PRR16: variants seen among roughly 807,000 people sequenced by gnomAD.
PRR16 encodes proline rich 16.
Under a neutral mutation model 18.2 loss-of-function variants are expected in PRR16, and 6 were observed. The observed-to-expected ratio is 0.33, with a 90% CI of 0.18 to 0.65. The LOEUF is 0.65. PRR16 is among the 30% of genes least tolerant of loss of function. PRR16 has a pLI of 0.74. For missense variants in PRR16, 412 were observed against 376.6 expected, an observed-to-expected ratio of 1.09 and a Z score of -0.78; for synonymous variants, 151 against 147.8, an observed-to-expected ratio of 1.02 and a Z score of -0.16.
At chr5:120,519,253 A>G (rs1164181029) in intron 1 of PRR16, among the ~76,000 whole-genome samples, 1 of 152,116 alleles carries the variant, frequency 6.6e-6, no homozygotes, top group Non-Finnish European at 1.5e-5. Context: ...TTATTTAGTA[A>G]TGAATAATAA....
intron 1 of PRR16, among the ~76,000 whole-genome samples, chr5:120,609,539 T>G (rs1271213910): frequency 2.0e-5 from 3 of 152,222 alleles, no homozygotes; most frequent in Non-Finnish European, 4.4e-5. Context: ...GCCATTTAGC[T>G]AAGATTTTCG....
At chr5:120,468,699 T>C (rs751354047) in intron 1 of PRR16, among the ~76,000 whole-genome samples, 1 of 152,230 alleles carries the variant, frequency 6.6e-6, no homozygotes, top group Non-Finnish European at 1.5e-5. Context: ...GGTATTAATA[T>C]GGGATCACAT....
chr5:120,600,408 C>T (rs150271419), intron 1 of PRR16, among the ~76,000 whole-genome samples: 10 of 151,900 alleles, frequency 6.6e-5, no homozygotes, highest in South Asian at 2.1e-4. Context: ...GCTCCAACAA[C>T]GCATAATGAT....
chr5:120,653,351 G>GT (rs1561595931), intron 1 of PRR16, among the ~76,000 whole-genome samples: 1 of 151,668 alleles, frequency 6.6e-6, no homozygotes, highest in East Asian at 1.9e-4. Context: ...CATTATAAAG[G>GT]GTTATTAAGC....
chr5:120,783,567 A>T, the PRR16 span, among the ~76,000 whole-genome samples: 106 of 152,254 alleles, frequency 7.0e-4, no homozygotes, highest in African/African-American at 2.3e-3. Context: ...TTTTAAAAAA[A>T]TTTAAATTGT....
the PRR16 span, among the ~76,000 whole-genome samples, chr5:120,715,880 A>C: frequency 6.6e-6 from 1 of 152,148 alleles, no homozygotes; most frequent in African/African-American, 2.4e-5. Flanking sequence ...CCTTCTCTCT[A>C]TAGAGTAGCC....
At chr5:120,513,769 T>C (rs1750902502) in intron 1 of PRR16, among the ~76,000 whole-genome samples, 1 of 151,920 alleles carries the variant, frequency 6.6e-6, no homozygotes, top group Admixed American at 6.6e-5. Flanking sequence ...TTTCTTTTTT[T>C]TTTTTTTGAG....
the PRR16 span, among the ~76,000 whole-genome samples, chr5:120,702,337 G>T: frequency 1.3e-4 from 19 of 151,894 alleles, no homozygotes; most frequent in Non-Finnish European, 2.8e-4. Context: ...AAGGGATTGG[G>T]GCGCAGAGAT....
the PRR16 span, among the ~76,000 whole-genome samples, chr5:120,724,356 A>G: frequency 6.6e-6 from 1 of 152,228 alleles, no homozygotes; most frequent in East Asian, 1.9e-4. Flanking sequence ...ATAATGATTA[A>G]TAAGTTGCTT....
intron 1 of PRR16, among the ~76,000 whole-genome samples, chr5:120,545,212 A>G (rs151117936): frequency 1.3e-5 from 2 of 152,238 alleles, no homozygotes; most frequent in East Asian, 3.9e-4. Context: ...AGCTGTGTCC[A>G]TAAGCATCCT....
intron 1 of PRR16, among the ~76,000 whole-genome samples, chr5:120,678,534 G>A (rs1341764595): frequency 1.3e-5 from 2 of 152,066 alleles, no homozygotes; most frequent in Non-Finnish European, 2.9e-5. Flanking sequence ...ATGTTCTGAG[G>A]GGAATACACA....
At chr5:120,477,022 T>C (rs1339900316) in intron 1 of PRR16, among the ~76,000 whole-genome samples, 3 of 152,194 alleles carry the variant, frequency 2.0e-5, no homozygotes, top group Non-Finnish European at 4.4e-5. Flanking sequence ...TTAATAATCT[T>C]TCTTCACTTA....
chr5:120,686,176 A>G lies in PRR16; in HGVS notation c.382A>G (p.Arg128Gly). ...GCCAAACCCTCCACCACCTCCTCCAAGGTTGACACCTGTGAAGTGTGAAGA... is the reference window on the plus strand; with the variant it reads ...GCCAAACCCTCCACCACCTCCTCCAGGGTTGACACCTGTGAAGTGTGAAGA... ...RKPNPPPPPP[R>G]LTPVKCEDPK... The change falls in exon 2 of 2, where the codon AGG (arginine) becomes GGG (glycine). Residue 128 changes from arginine to glycine, a missense_variant. Coordinates refer to ENST00000407149, the MANE Select transcript of PRR16 (RefSeq NM_001300783.2). 1 of 1,614,086 alleles carries G rather than the reference A, an allele frequency of 6.2e-7. No individual in the cohort carries two copies. The highest frequency in any genetic ancestry group is 8.5e-7 in the Non-Finnish European group (1 of 1,179,998).
intron 1 of PRR16, among the ~76,000 whole-genome samples, chr5:120,500,278 G>C (rs1341741237): frequency 1.3e-5 from 2 of 152,120 alleles, no homozygotes; most frequent in Non-Finnish European, 2.9e-5. Context: ...GAATACATTA[G>C]GCAAAAAGAA....
Position 120,686,712 on chromosome 5 carries a change from T to C in PRR16, c.*3T>C. 6.8e-7 allele frequency: 1 copy of C among 1,463,836 alleles called. No homozygotes were observed. Among genetic ancestry groups the C allele is most frequent in the Non-Finnish European group, 9.1e-7 (1 of 1,104,006 alleles). The allele number at this position is 1,463,836 out of a possible 1,614,324, so 90.7% of individuals were successfully genotyped here. Reference sequence around the variant, plus strand: ...AGTCAACCACTACAACCGTGTGATGTATGCCATTAAAAAAATTGTTTTTTT... The same window carrying C: ...AGTCAACCACTACAACCGTGTGATGCATGCCATTAAAAAAATTGTTTTTTT... On this transcript the variant is annotated 3_prime_UTR_variant, in exon 2 of 2. Transcript: ENST00000407149.
At chr5:120,479,711 T>C (rs998280466) in intron 1 of PRR16, among the ~76,000 whole-genome samples, 8 of 138,864 alleles carry the variant, frequency 5.8e-5, no homozygotes, top group Non-Finnish European at 1.1e-4. Flanking sequence ...AAGTAACTTA[T>C]TGCCGTTTAC....
intron 1 of PRR16, chr5:120,616,999 C>A: frequency 5.1e-6 from 2 of 391,150 alleles, no homozygotes; most frequent in Non-Finnish European, 7.0e-6. Context: ...GCCTCCCCAT[C>A]CATTCATAAC....
At chr5:120,526,104 A>G (rs971186273) in intron 1 of PRR16, among the ~76,000 whole-genome samples, 3 of 152,146 alleles carry the variant, frequency 2.0e-5, no homozygotes, top group African/African-American at 7.2e-5. Context: ...TATGAGCTGC[A>G]AAGTAACTGT....
At chr5:120,628,421 G>T (rs1754937869) in intron 1 of PRR16, among the ~76,000 whole-genome samples, 1 of 151,968 alleles carries the variant, frequency 6.6e-6, no homozygotes, top group Non-Finnish European at 1.5e-5. Flanking sequence ...GAGCATATGT[G>T]GGATAATGGA....
Sources: gnomAD v4.1 joint callset for allele counts (sites outside exome capture counted in the v4.1 genomes callset) on GRCh38, gnomAD v4.1.1 for gene constraint, MANE v1.5 for transcripts, NCBI Gene and HGNC (gene_info 2026-07-23, HGNC 2026-07-21) for gene names.